ORC4: variants seen among roughly 807,000 people sequenced by gnomAD.
The protein encoded by ORC4 is origin recognition complex, subunit 4 homolog.
Under a neutral mutation model 63.9 loss-of-function variants are expected in ORC4, and 55 were observed. The observed-to-expected ratio is 0.86, with a 90% CI of 0.69 to 1.08. The LOEUF (loss-of-function observed/expected upper bound fraction) is 1.08, where lower values mean the gene tolerates loss of function less well. ORC4 is among the 50% of genes least tolerant of loss of function. The pLI, the probability that ORC4 is intolerant of heterozygous loss-of-function variation, is 0.00. For missense variants in ORC4, 511 were observed against 504.4 expected, an observed-to-expected ratio of 1.01 and a Z score of -0.13; for synonymous variants, 150 against 168.5, an observed-to-expected ratio of 0.89 and a Z score of 0.85.
chr2:147,950,909 AAC>A (rs1189486722), intron 8 of ORC4, among the ~76,000 whole-genome samples: 1 of 152,104 alleles, frequency 6.6e-6, no homozygotes, highest in African/African-American at 2.4e-5. Flanking sequence ...TTGGGTCAAC[AAC>A]ACTCACCACA....
In ORC4 at chr2:147,938,389, T is replaced by C. The variant is rs78758762; in HGVS notation, c.963A>G (p.Leu321=). The change falls in exon 12 of 14, where the codon CTA becomes CTG. Residue 321 remains leucine (L), a synonymous_variant. Transcript: ENST00000392857. The part of the protein sequence containing the change: ...MDSKANIVHG[L]SVLEICLIIA... ...TTATAAGACAGATTTCCAAGACTGATAGACCTACAGTAAAAGGGAAAAAAA... is the reference window on the plus strand; with the variant it reads ...TTATAAGACAGATTTCCAAGACTGACAGACCTACAGTAAAAGGGAAAAAAA... 770 of 1,568,650 alleles carry C rather than the reference T, an allele frequency of 4.9e-4. 2 individuals are homozygous for C. The African/African-American group carries it at 9.2e-3, about 19-fold the overall frequency.
intron 1 of ORC4, among the ~76,000 whole-genome samples, chr2:147,981,482 T>C (rs963795890): frequency 9.2e-5 from 14 of 152,172 alleles, no homozygotes; most frequent in African/African-American, 2.4e-4. Flanking sequence ...ACTGAAACAA[T>C]GGAAAGTGAA....
At chr2:148,007,042 T>A (rs1391750182) in intron 1 of ORC4, among the ~76,000 whole-genome samples, 4 of 152,220 alleles carry the variant, frequency 2.6e-5, no homozygotes, top group Non-Finnish European at 5.9e-5. Context: ...TCTGCAAGAC[T>A]CACAGCGTTC....
At chr2:147,938,255 A>T (rs755781534) in intron 12 of ORC4, 42 bp from the exon 13 acceptor site, 13 of 1,586,586 alleles carry the variant, frequency 8.2e-6, no homozygotes, top group Non-Finnish European at 1.1e-5. Flanking sequence ...TCAAATAAGC[A>T]GTGGGGAAGA....
At chr2:147,996,044 C>T (rs1461833617) in intron 1 of ORC4, among the ~76,000 whole-genome samples, 4 of 151,468 alleles carry the variant, frequency 2.6e-5, no homozygotes, top group Non-Finnish European at 5.9e-5. Context: ...GTGGCTTACG[C>T]CTGTAATCCC....
chr2:147,981,121 A>G (rs1379700234), intron 1 of ORC4, among the ~76,000 whole-genome samples: 1 of 152,222 alleles, frequency 6.6e-6, no homozygotes, highest in African/African-American at 2.4e-5. Context: ...CCAGGCACAG[A>G]AAGACAAACA....
intron 11 of ORC4, 111 bp from the exon 12 acceptor site, chr2:147,938,504 A>T (rs1688186761): frequency 5.6e-6 from 4 of 710,458 alleles, no homozygotes; most frequent in African/African-American, 5.3e-5. Flanking sequence ...GGGGTGAAGA[A>T]GGTCAAGATT....
In ORC4 at chr2:147,996,239, A is replaced by C. The variant is rs372569740; in HGVS notation, c.-17-20264T>G. On this transcript the variant is annotated intron_variant, in intron 1 of 13. Transcript: ENST00000392857. ...GAACCACTTGAACCCGGGAGGTGGA[A>C]GTTGTAGTGAGCCAAGATTGTGCCA... Among the ~76,000 whole-genome samples, 772 of 152,040 alleles carry C rather than the reference A, an allele frequency of 5.1e-3. 6 individuals carry two copies. Among genetic ancestry groups the C allele is most frequent in the African/African-American group, 0.018 (739 of 41,508 alleles).
intron 1 of ORC4, among the ~76,000 whole-genome samples, chr2:147,977,824 C>T (rs1690656239): frequency 6.6e-6 from 1 of 152,204 alleles, no homozygotes; most frequent in Non-Finnish European, 1.5e-5. Context: ...CCTGGGAGGG[C>T]TCCTACTGGA....
At chr2:147,945,877 G>C (rs147634833) in intron 9 of ORC4, among the ~76,000 whole-genome samples, 17 of 152,178 alleles carry the variant, frequency 1.1e-4, no homozygotes, top group African/African-American at 4.1e-4. Context: ...GGTGCTGACA[G>C]ATTTTTCAAG....
At position 147,933,679 on chromosome 2, in the gene ORC4, T is replaced by C. The variant is rs138015010; in HGVS notation, c.*1831A>G. On this transcript the variant is annotated 3_prime_UTR_variant, in exon 14 of 14. Transcript: ENST00000392857. ...TGTTACCCTTTAAGACAAATAATACTTTCCTCAAATAGTTCAGAAAATTTT... is the reference window on the plus strand; with the variant it reads ...TGTTACCCTTTAAGACAAATAATACCTTCCTCAAATAGTTCAGAAAATTTT... 14 of 152,250 alleles carry C rather than the reference T, an allele frequency of 9.2e-5. No individual in the cohort carries two copies. Among genetic ancestry groups the C allele is most frequent in the African/African-American group, 3.4e-4 (14 of 41,564 alleles). The allele number at this position is 152,250 out of a possible 1,614,324, so 9.4% of individuals were successfully genotyped here.
At chr2:147,987,364 A>G (rs1558863498) in intron 1 of ORC4, among the ~76,000 whole-genome samples, 2 of 47,536 alleles carry the variant, frequency 4.2e-5, no homozygotes, top group Non-Finnish European at 8.8e-5. Flanking sequence ...ATAGATATAT[A>G]TATGTGTGTG....
chr2:148,016,323 T>A (rs1693281717), intron 1 of ORC4, among the ~76,000 whole-genome samples: 1 of 152,214 alleles, frequency 6.6e-6, no homozygotes, highest in African/African-American at 2.4e-5. Context: ...AACTGTTTGC[T>A]GGTCTGCTGC....
rs1287623617 is a variant in ORC4, at chr2:147,931,852, A to T, written c.*3658T>A. The T allele has an allele frequency of 6.6e-6, 1 of 151,834 alleles. No individual in the cohort carries two copies. The highest frequency in any genetic ancestry group is 2.4e-5 in the African/African-American group (1 of 41,330). The allele number at this position is 151,834 out of a possible 1,614,324, so 9.4% of individuals were successfully genotyped here. On this transcript the variant is annotated 3_prime_UTR_variant, in exon 14 of 14. Coordinates refer to ENST00000392857, the MANE Select transcript of ORC4 (RefSeq NM_181741.4). ...ATGACAAACCCACAGCCAATATCAT[A>T]CTGAATGGGCAAAAACTGGAAGCAT...
At chr2:147,987,338 C>A (rs1343352861) in intron 1 of ORC4, among the ~76,000 whole-genome samples, 2 of 139,436 alleles carry the variant, frequency 1.4e-5, no homozygotes, top group Admixed American at 1.5e-4. Context: ...TTTAAAAGAA[C>A]AAGAACTTTC....
intron 1 of ORC4, among the ~76,000 whole-genome samples, chr2:148,010,599 G>A (rs1428249899): frequency 6.6e-6 from 1 of 151,862 alleles, no homozygotes; most frequent in South Asian, 2.1e-4. Flanking sequence ...TAGAAGAAAC[G>A]AATAAATTCC....
chr2:147,960,328 C>A, intron 4 of ORC4: 1 of 978,714 alleles, frequency 1.0e-6, no homozygotes, highest in Non-Finnish European at 1.2e-6. Context: ...AATATATTAG[C>A]AAGTGAGTCT....
chr2:147,967,899 A>G (rs1372584298), intron 4 of ORC4, among the ~76,000 whole-genome samples: 4 of 152,120 alleles, frequency 2.6e-5, no homozygotes, highest in African/African-American at 9.6e-5. Context: ...CTTCAAATAT[A>G]CTACAAAGCT....
At chr2:147,990,627 A>G (rs1022931098) in intron 1 of ORC4, among the ~76,000 whole-genome samples, 3 of 152,260 alleles carry the variant, frequency 2.0e-5, no homozygotes, top group African/African-American at 7.2e-5. Context: ...ATAATTCCAC[A>G]CAAATCAACT....
Sources: allele counts gnomAD v4.1 joint callset (sites outside exome capture counted in the v4.1 genomes callset), GRCh38; gene constraint gnomAD v4.1.1; transcripts MANE v1.5; gene names NCBI Gene and HGNC (gene_info 2026-07-23, HGNC 2026-07-21).